The following TMEM259 variants were observed in gnomAD, a reference collection of about 807,000 sequenced individuals.
TMEM259 encodes membralin.
TMEM259 carries 26 observed loss-of-function variants against 46.7 expected under a neutral mutation model. That is an observed-to-expected ratio of 0.56 (90% CI 0.41 to 0.77). TMEM259 has a LOEUF of 0.77. TMEM259 is among the 30% of genes least tolerant of loss of function. TMEM259 has a pLI of 0.00. For missense variants in TMEM259, 930 were observed against 900.5 expected (o/e 1.03, Z -0.42); for synonymous variants, 494 against 395.1 (o/e 1.25, Z -2.97).
chr19:1,014,553 ATGGGGCG>A (rs1378718097), intron 1 of TMEM259, 80 bp from the exon 2 acceptor site: 66 of 886,360 alleles, frequency 7.4e-5, no homozygotes, highest in Non-Finnish European at 9.5e-5. Flanking sequence ...ATGGGGCGTG[ATGGGGCG>A]CGCTGGGACG....
Position 1,020,914 on chromosome 19 carries a change from C to A in TMEM259, c.83G>T (p.Arg28Leu). The A allele has an allele frequency of 7.9e-7, 1 of 1,271,656 alleles. No homozygotes were observed. The highest frequency in any genetic ancestry group is 9.9e-7 in the Non-Finnish European group (1 of 1,007,580). The allele number at this position is 1,271,656 out of a possible 1,614,324, so 78.8% of individuals were successfully genotyped here. ...GGGGTTGGGGTTGAGATTGGGGGTG[C>A]GAGGCCCGCGCGCGGGGGCCGGGCC... The part of the protein sequence containing the change: ...GGGPAPARGP[R>L]TPNLNPNPLI... Residue 28 changes from arginine to leucine, a missense_variant, in exon 1 of 11, where the codon CGC (arginine) becomes CTC (leucine). Transcript: ENST00000356663. The surrounding 1 kb of genome is among the most constrained non-coding windows in gnomAD (Gnocchi z 4.0).
chr19:1,014,531 A>G, intron 1 of TMEM259, 58 bp from the exon 2 acceptor site: 1 of 1,552,282 alleles, frequency 6.4e-7, no homozygotes, highest in South Asian at 1.2e-5. Context: ...CCGACACCCA[A>G]GGGCCTACGT....
At chr19:1,011,869 C>A in intron 6 of TMEM259, 23 bp downstream of exon 6, 1 of 1,600,362 alleles carries the variant, frequency 6.2e-7, no homozygotes, top group Non-Finnish European at 8.5e-7. Context: ...GGCCAGCCCC[C>A]GCACCCGCCC....
intron 1 of TMEM259, chr19:1,017,262 C>G (rs966576169): frequency 1.5e-5 from 6 of 399,712 alleles, no homozygotes; most frequent in Non-Finnish European, 2.2e-5. Flanking sequence ...CACAGTAACC[C>G]TCCCCAGGGA....
In TMEM259 at chr19:1,011,394, G is replaced by A; in HGVS notation, c.1190C>T (p.Thr397Ile). 6.4e-7 allele frequency: 1 copy of A among 1,568,132 alleles called. No homozygotes were observed. Among genetic ancestry groups the A allele is most frequent in the Non-Finnish European group, 8.6e-7 (1 of 1,158,948 alleles). The change falls in exon 9 of 11, where the codon ACC becomes ATC. Residue 397 changes from threonine (T) to isoleucine (I), a missense_variant. Thr to Ile is a moderately conservative substitution (Grantham distance 89). Coordinates refer to ENST00000356663, the MANE Select transcript of TMEM259 (RefSeq NM_001033026.2). ...CAGCCAATGCCGCTTGCTGGTGCTGGTGTGGCAGCAGATGGCGTCATACTG... is the reference window on the plus strand; with the variant it reads ...CAGCCAATGCCGCTTGCTGGTGCTGATGTGGCAGCAGATGGCGTCATACTG... ...ADQYDAICCH[T>I]STSKRHWLRF... is the part of the protein sequence containing the mutation.
At chr19:1,012,685 G>A in intron 3 of TMEM259, 112 bp from the exon 4 acceptor site, 1 of 1,422,398 alleles carries the variant, frequency 7.0e-7, no homozygotes, top group Non-Finnish European at 9.4e-7. Context: ...TGAGCCCTGG[G>A]CCCCAGGTGG....
rs748179492 is a variant in TMEM259 at position 1,011,171 on chromosome 19, G to A, written c.1242C>T (p.Ala414=). The A allele has an allele frequency of 1.4e-5, 23 of 1,602,634 alleles. No individual in the cohort carries two copies. Among genetic ancestry groups the A allele is most frequent in the South Asian group, 2.2e-5 (2 of 89,436 alleles). ...TGAAGCGGTAGTGATAGGCATAGAA[G>A]GCGAAGTGGTAGAGATAGAAGAACC... ...WLRFFYLYHF[A]FYAYHYRFNG... is the part of the protein sequence containing the mutation. The change falls in exon 10 of 11, where the codon GCC becomes GCT. Residue 414 remains alanine, a synonymous_variant. Coordinates refer to ENST00000356663, the MANE Select transcript of TMEM259 (RefSeq NM_001033026.2).
intron 1 of TMEM259, among the ~76,000 whole-genome samples, chr19:1,019,352 A>G (rs1240688183): frequency 2.6e-5 from 4 of 152,218 alleles, no homozygotes; most frequent in Non-Finnish European, 4.4e-5. Flanking sequence ...ACTCCATGGA[A>G]GGAAAACCCA....
intron 1 of TMEM259, among the ~76,000 whole-genome samples, chr19:1,018,478 C>T (rs537538980): frequency 1.3e-5 from 2 of 152,182 alleles, no homozygotes; most frequent in Admixed American, 6.5e-5. Context: ...AGGATGAAGC[C>T]ACCTTGAAGG....
intron 2 of TMEM259, chr19:1,013,589 C>T (rs944953007): frequency 8.3e-6 from 4 of 484,514 alleles, no homozygotes; most frequent in South Asian, 4.7e-5. Context: ...GGGCCAGCTA[C>T]AGGCAGTAGA....
At chr19:1,017,254 C>A (rs118064999) in intron 1 of TMEM259, 7,345 of 400,026 alleles carry the variant, frequency 0.018, 87 homozygotes, top group South Asian at 0.041. Context: ...TCCACGCCCA[C>A]AGTAACCCTC....
In TMEM259 at chr19:1,010,108, G is replaced by C. The variant is rs376133714; in HGVS notation, c.*242C>G. ...CAAGACCCCTCCAGAACCTTCCGCG[G>C]AACCCCACCCCCTCTCCTTGCTGAC... On this transcript the variant is annotated 3_prime_UTR_variant, in exon 11 of 11. Coordinates refer to ENST00000356663, the MANE Select transcript of TMEM259 (RefSeq NM_001033026.2). 9.9e-5 allele frequency: 49 copies of C among 497,128 alleles called. No individual in the cohort carries two copies. In the East Asian group the frequency reaches 1.7e-3, roughly 17 times the overall value. 30.8% of individuals were successfully genotyped at this position (497,128 alleles called of 1,614,324 possible).
intron 1 of TMEM259, among the ~76,000 whole-genome samples, chr19:1,015,550 G>C (rs1347445381): frequency 6.6e-6 from 1 of 152,182 alleles, no homozygotes; most frequent in Non-Finnish European, 1.5e-5. Context: ...CTGAGGTCCA[G>C]GCATCACCCC....
rs753063964 is a variant in TMEM259, at chr19:1,011,790, G to A, written c.951C>T (p.Ser317=). The A allele has an allele frequency of 2.2e-5, 35 of 1,574,664 alleles. No individual in the cohort carries two copies. In the Middle Eastern group the frequency reaches 5.0e-4, roughly 22 times the overall value. Residue 317 remains serine, a synonymous_variant, in exon 7 of 11, where the codon AGC becomes AGT. Coordinates refer to ENST00000356663, the MANE Select transcript of TMEM259 (RefSeq NM_001033026.2). ...AFAIMVIFTL[S]VSMLLRYSHH... is the part of the protein sequence containing the mutation. ...GTGAGTACCGCAGCAGCATGGACAC[G>A]CTCAGCGTCTGCAAGGGGCGCGCAG...
intron 1 of TMEM259, among the ~76,000 whole-genome samples, chr19:1,017,875 C>T (rs1297105820): frequency 2.6e-5 from 4 of 152,170 alleles, no homozygotes; most frequent in South Asian, 4.1e-4. Context: ...TTTGTCCACC[C>T]GGGGTGCTTC....
In TMEM259 at chr19:1,013,135, C is replaced by T. The variant is rs1035731776; in HGVS notation, c.607+106G>A. On this transcript the variant is annotated intron_variant, in intron 3 of 10. Coordinates refer to ENST00000356663, the MANE Select transcript of TMEM259 (RefSeq NM_001033026.2). ...CGGGGGTGCCCTCAACGGTCCAGGACATGCAGCCAGCAGGCTGGGGATGTT... is the reference window on the plus strand; with the variant it reads ...CGGGGGTGCCCTCAACGGTCCAGGATATGCAGCCAGCAGGCTGGGGATGTT... 4.2e-5 allele frequency: 43 copies of T among 1,019,230 alleles called. No individual in the cohort carries two copies. The African/African-American group carries it at 6.8e-4, about 16-fold the overall frequency. The allele number at this position is 1,019,230 out of a possible 1,614,324, so 63.1% of individuals were successfully genotyped here. A position where few individuals can be genotyped will look rare whatever the true frequency, so the allele number is the denominator to read the frequency against.
chr19:1,011,150 G>T lies in TMEM259; in HGVS notation c.1263C>A (p.Arg421=), dbSNP rs570423540. ...CCAGGCTGCTATACTGCCCATTGAA[G>T]CGGTAGTGATAGGCATAGAAGGCGA... ...YHFAFYAYHY[R]FNGQYSSLAL... is the part of the protein sequence containing the mutation. Residue 421 remains arginine (R), a synonymous_variant, in exon 10 of 11, where the codon CGC becomes CGA. Coordinates refer to ENST00000356663, the MANE Select transcript of TMEM259 (RefSeq NM_001033026.2). 4.4e-6 allele frequency: 7 copies of T among 1,605,958 alleles called. No homozygotes were observed. In the African/African-American group the frequency reaches 5.3e-5, roughly 12 times the overall value.
intron 1 of TMEM259, chr19:1,017,269 G>A (rs1247568317): frequency 5.0e-6 from 2 of 399,926 alleles, no homozygotes; most frequent in Non-Finnish European, 8.8e-6. Flanking sequence ...ACCCTCCCCA[G>A]GGAGCTCACC....
rs372851056 is a variant in TMEM259 at position 1,010,479 on chromosome 19, G to A, written c.1734C>T (p.His578=). Residue 578 remains histidine, a synonymous_variant, in exon 11 of 11, where the codon CAC becomes CAT. Coordinates refer to ENST00000356663, the MANE Select transcript of TMEM259 (RefSeq NM_001033026.2). ...SPLGPAGGLP[H]APQDSVPPSD... ...TCGGGGGGACACTGTCCTGGGGGGC[G>A]TGGGGGAGGCCCCCAGCAGGGCCCA... 211 of 1,545,456 alleles carry A rather than the reference G, an allele frequency of 1.4e-4. 1 individual carries two copies. Among genetic ancestry groups the A allele is most frequent in the Non-Finnish European group, 1.7e-4 (200 of 1,145,424 alleles).
Sources: gnomAD v4.1 joint callset for allele counts (sites outside exome capture counted in the v4.1 genomes callset) on GRCh38, gnomAD v4.1.1 for gene constraint, Gnocchi (gnomAD v3.1) non-coding constraint, MANE v1.5 for transcripts, NCBI Gene and HGNC (gene_info 2026-07-23, HGNC 2026-07-21) for gene names.